Variants in ANO4 observed in about 807,000 individuals in gnomAD.
The protein encoded by ANO4 is anoctamin-4.
In ANO4, 69 loss-of-function variants were observed where a neutral mutation model predicts 141.9. That is an observed-to-expected ratio of 0.49 (90% CI 0.40 to 0.59). ANO4 has a LOEUF of 0.59. Among genes scored for constraint, ANO4 ranks in the 20% least tolerant of loss-of-function variants. ANO4 has a pLI of 0.00. For synonymous variants in ANO4, 350 were observed against 394.3 expected (o/e 0.89, Z 1.33); for missense variants, 894 against 1,162.2 (o/e 0.77, Z 3.36).
At chr12:100,893,000 A>G (rs1018974818) in intron 1 of ANO4, among the ~76,000 whole-genome samples, 1 of 152,120 alleles carries the variant, frequency 6.6e-6, no homozygotes, top group African/African-American at 2.4e-5. Flanking sequence ...TCCTGGCCCC[A>G]CATTCAGGGG....
chr12:101,103,955 G>T (rs2050308939), intron 22 of ANO4, among the ~76,000 whole-genome samples: 1 of 151,722 alleles, frequency 6.6e-6, no homozygotes, highest in Non-Finnish European at 1.5e-5. Context: ...GTTTTCATAA[G>T]CTGTGTTTTA....
At chr12:100,820,839 C>T (rs1210666224) in intron 1 of ANO4, among the ~76,000 whole-genome samples, 1 of 152,020 alleles carries the variant, frequency 6.6e-6, no homozygotes, top group African/African-American at 2.4e-5. Context: ...TGCTGCTCTT[C>T]CTTCTGCTTT....
intron 3 of ANO4, among the ~76,000 whole-genome samples, chr12:100,773,717 A>G (rs975723606): frequency 2.0e-5 from 3 of 152,236 alleles, no homozygotes; most frequent in Non-Finnish European, 2.9e-5. Flanking sequence ...TAAAAAACCC[A>G]ACTTTATTGT....
At chr12:100,999,071 T>A (rs763177317) in intron 8 of ANO4, among the ~76,000 whole-genome samples, 2 of 152,234 alleles carry the variant, frequency 1.3e-5, no homozygotes, top group Non-Finnish European at 2.9e-5. Context: ...GCCCCAGTCT[T>A]ATCTTTTTAA....
intron 8 of ANO4, among the ~76,000 whole-genome samples, chr12:101,002,445 A>C (rs1566113056): frequency 6.6e-6 from 1 of 152,280 alleles, no homozygotes; most frequent in East Asian, 1.9e-4. Flanking sequence ...ATAAAGCTTA[A>C]ATTTCTTCAC....
At chr12:101,096,686 A>T in intron 19 of ANO4, 39 bp downstream of exon 19, 3 of 1,488,542 alleles carry the variant, frequency 2.0e-6, no homozygotes, top group Non-Finnish European at 2.8e-6. Context: ...CAAGCTGAGG[A>T]CAGAACACTT....
At chr12:101,023,593 G>A (rs1362719808) in intron 9 of ANO4, among the ~76,000 whole-genome samples, 1 of 152,158 alleles carries the variant, frequency 6.6e-6, no homozygotes, top group Non-Finnish European at 1.5e-5. Flanking sequence ...ATTACTTCTG[G>A]GAGGTCAAGG....
rs375037243 is a variant in ANO4, at chr12:100,797,634, T to C, written c.-141+2607T>C. ...AACACCTAGATTGGTGTAGATGCAG[T>C]TGATGCAGTTATTCTTTTTTTTTTT... On this transcript the variant is annotated intron_variant, in intron 1 of 27. Transcript: ENST00000392977. 6.6e-5 allele frequency among the ~76,000 whole-genome samples: 10 copies of C among 150,432 alleles called. No homozygotes were observed. The South Asian group carries it at 2.1e-3, about 32-fold the overall frequency.
chr12:100,945,905 A>G (rs970933232), intron 5 of ANO4, among the ~76,000 whole-genome samples: 5 of 151,888 alleles, frequency 3.3e-5, no homozygotes, highest in South Asian at 2.1e-4. Context: ...CAGCAGCAAC[A>G]AATAAAACAG....
intron 1 of ANO4, among the ~76,000 whole-genome samples, chr12:100,724,883 A>G (rs1057435717): frequency 6.6e-6 from 1 of 152,214 alleles, no homozygotes; most frequent in Non-Finnish European, 1.5e-5. Flanking sequence ...GAATACCCAC[A>G]TGTATACATG....
chr12:100,741,511 G>T (rs1178307857), intron 3 of ANO4, among the ~76,000 whole-genome samples: 1 of 152,088 alleles, frequency 6.6e-6, no homozygotes, highest in Non-Finnish European at 1.5e-5. Flanking sequence ...TTCCTTCCTG[G>T]GATTTTGATT....
chr12:100,876,278 CAA>C (rs79799106), intron 1 of ANO4, among the ~76,000 whole-genome samples: 21 of 91,932 alleles, frequency 2.3e-4, no homozygotes, highest in Middle Eastern at 0.013. Flanking sequence ...ATATAAAGAC[CAA>C]AAAAAAAAAA....
chr12:100,778,663 T>A (rs1051645393), intron 3 of ANO4, among the ~76,000 whole-genome samples: 1 of 152,150 alleles, frequency 6.6e-6, no homozygotes, highest in African/African-American at 2.4e-5. Context: ...TAATGTTACC[T>A]CTCTTGCCCA....
chr12:100,819,557 T>C (rs1041096141), intron 1 of ANO4, among the ~76,000 whole-genome samples: 1 of 151,978 alleles, frequency 6.6e-6, no homozygotes, highest in Non-Finnish European at 1.5e-5. Context: ...CAAGCATCAC[T>C]GCTAGTATAA....
intron 1 of ANO4, among the ~76,000 whole-genome samples, chr12:100,798,785 A>C (rs554962921): frequency 6.6e-6 from 1 of 152,342 alleles, no homozygotes; most frequent in Non-Finnish European, 1.5e-5. Context: ...TTTGCTCTTA[A>C]GTCTGAAGAG....
chr12:100,972,781 C>A (rs1358209580), intron 6 of ANO4, among the ~76,000 whole-genome samples: 1 of 152,122 alleles, frequency 6.6e-6, no homozygotes, highest in Non-Finnish European at 1.5e-5. Context: ...AATTTATACA[C>A]CCCTCTCCAG....
intron 3 of ANO4, among the ~76,000 whole-genome samples, chr12:100,776,149 A>C (rs1194565615): frequency 6.6e-6 from 1 of 152,212 alleles, no homozygotes; most frequent in Non-Finnish European, 1.5e-5. Flanking sequence ...AAATGGAAGC[A>C]CTGAGAGGTA....
intron 8 of ANO4, among the ~76,000 whole-genome samples, chr12:100,996,670 A>C (rs2045388818): frequency 6.6e-6 from 1 of 152,104 alleles, no homozygotes; most frequent in South Asian, 2.1e-4. Flanking sequence ...GGGCAACAAG[A>C]GTGAAACTCC....
chr12:100,971,872 A>T (rs1287570804), intron 6 of ANO4, among the ~76,000 whole-genome samples: 2 of 152,164 alleles, frequency 1.3e-5, no homozygotes, highest in African/African-American at 4.8e-5. Context: ...AAAACAAAAA[A>T]AACCACTTTT....
Sources: allele counts gnomAD v4.1 joint callset (sites outside exome capture counted in the v4.1 genomes callset), GRCh38; gene constraint gnomAD v4.1.1; transcripts MANE v1.5; gene names NCBI Gene and HGNC (gene_info 2026-07-23, HGNC 2026-07-21).